Variants in PBX4 observed in about 807,000 individuals in gnomAD.
PBX4 encodes pre-B-cell leukemia transcription factor 4.
A neutral mutation model predicts 35.1 loss-of-function variants in PBX4; 26 were observed. That is an observed-to-expected ratio of 0.74 (90% CI 0.54 to 1.03). The LOEUF (loss-of-function observed/expected upper bound fraction) is 1.03. PBX4 is among the 50% of genes least tolerant of loss of function. The probability of loss-of-function intolerance (pLI) is 0.00; values close to 1 mark genes in which losing one functional copy is unlikely to be tolerated. For missense variants in PBX4, 448 were observed against 504.3 expected, an observed-to-expected ratio of 0.89 and a Z score of 1.07; for synonymous variants, 199 against 204.2, an observed-to-expected ratio of 0.97 and a Z score of 0.22.
In PBX4 at chr19:19,572,124, G is replaced by T. The variant is rs545566028; in HGVS notation, c.194-1291C>A. 2.2e-5 allele frequency among the ~76,000 whole-genome samples: 3 copies of T among 137,638 alleles called. No homozygotes were observed. The South Asian group carries it at 7.2e-4, about 33-fold the overall frequency. The allele number at this position is 137,638 out of a possible 152,430, so 90.3% of individuals were successfully genotyped here. The stretch of plus-strand genomic sequence containing the variant: ...GAATCTCATTCTGTCACCTAGGCTG[G>T]GGTGCAATGGCATGGTCTCCACTCA... On this transcript the variant is annotated intron_variant, in intron 2 of 7. Coordinates refer to ENST00000251203, the MANE Select transcript of PBX4 (RefSeq NM_025245.3).
chr19:19,580,228 C>T lies in PBX4; in HGVS notation c.194-9395G>A, dbSNP rs552874591. Among the ~76,000 whole-genome samples the T allele has an allele frequency of 2.1e-5, 3 of 145,152 alleles. No individual in the cohort carries two copies. In the East Asian group the frequency reaches 6.4e-4, roughly 31 times the overall value. ...CCGGTGACTCTGCACAGGTGAGAAT[C>T]GACATGAAGGAGAAAACATGGGGAC... On this transcript the variant is annotated intron_variant, in intron 2 of 7. Coordinates refer to ENST00000251203, the MANE Select transcript of PBX4 (RefSeq NM_025245.3).
intron 2 of PBX4, among the ~76,000 whole-genome samples, chr19:19,595,641 C>T (rs1267001441): frequency 2.0e-5 from 3 of 151,912 alleles, no homozygotes; most frequent in African/African-American, 7.3e-5. Flanking sequence ...AAGCCAGGGG[C>T]ATCACAGCCC....
chr19:19,563,457 T>C lies in PBX4; in HGVS notation c.1032+52A>G. 1 of 1,410,754 alleles carries C rather than the reference T, an allele frequency of 7.1e-7. No homozygotes were observed. The highest frequency in any genetic ancestry group is 9.6e-7 in the Non-Finnish European group (1 of 1,041,628). 87.4% of individuals were successfully genotyped at this position (1,410,754 alleles called of 1,614,324 possible). A position where few individuals can be genotyped will look rare whatever the true frequency, so the allele number is the denominator to read the frequency against. On this transcript the variant is annotated intron_variant, in intron 7 of 7. Transcript: ENST00000251203. The surrounding 1 kb of genome is among the most constrained non-coding windows in gnomAD (Gnocchi z 5.1). The stretch of plus-strand genomic sequence containing the variant: ...AGGGGTGGCTGACAAGACGACCCTT[T>C]CTGAGAACCTACCACCCACCTGGGC...
At position 19,562,278 on chromosome 19, in the gene PBX4, G is replaced by A. The variant is rs76337800; in HGVS notation, c.1033-161C>T. On this transcript the variant is annotated intron_variant, in intron 7 of 7. Transcript: ENST00000251203. The surrounding 1 kb of genome is among the most constrained non-coding windows in gnomAD (Gnocchi z 4.8). Reference sequence around the variant, plus strand: ...GGAGGAGGGAAGGGATGGAGGGGTCGGTCCTGGGTCACAGCTGGCCTTGCC... The same window carrying A: ...GGAGGAGGGAAGGGATGGAGGGGTCAGTCCTGGGTCACAGCTGGCCTTGCC... 0.063 allele frequency among the ~76,000 whole-genome samples: 9,558 copies of A among 152,258 alleles called. 684 individuals carry two copies. Among genetic ancestry groups the A allele is most frequent in the African/African-American group, 0.17 (6,873 of 41,532 alleles).
intron 2 of PBX4, among the ~76,000 whole-genome samples, chr19:19,587,220 C>T (rs2061495263): frequency 6.6e-6 from 1 of 151,650 alleles, no homozygotes; most frequent in Non-Finnish European, 1.5e-5. Context: ...AGAAAATAAA[C>T]ACGAACTTTA....
chr19:19,583,260 C>T (rs1004936817), intron 2 of PBX4, among the ~76,000 whole-genome samples: 1 of 152,040 alleles, frequency 6.6e-6, no homozygotes, highest in African/African-American at 2.4e-5. Context: ...GCCTGGGCAA[C>T]AAAGCGAGAC....
In PBX4 at chr19:19,564,839, A is replaced by G. The variant is rs1172702510; in HGVS notation, c.925+94T>C. The G allele has an allele frequency of 4.8e-6, 7 of 1,457,140 alleles. No individual in the cohort carries two copies. The East Asian group carries it at 1.6e-4, about 33-fold the overall frequency. The allele number at this position is 1,457,140 out of a possible 1,614,324, so 90.3% of individuals were successfully genotyped here. ...GTTACACAGAGTTGACCACTGGGGG[A>G]AGGGAGATGTGGTCCCACTGTGGCC... On this transcript the variant is annotated intron_variant, in intron 6 of 7. Coordinates refer to ENST00000251203, the MANE Select transcript of PBX4 (RefSeq NM_025245.3).
At chr19:19,616,966 G>A (rs2061692076) in intron 1 of PBX4, among the ~76,000 whole-genome samples, 1 of 152,094 alleles carries the variant, frequency 6.6e-6, no homozygotes, top group African/African-American at 2.4e-5. Flanking sequence ...ACAGGCGTGA[G>A]CCACCGCACC....
chr19:19,604,156 C>A (rs1306188912), intron 1 of PBX4, among the ~76,000 whole-genome samples: 1 of 151,988 alleles, frequency 6.6e-6, no homozygotes, highest in Non-Finnish European at 1.5e-5. Context: ...AATAACTTCA[C>A]AACAGAAATC....
intron 2 of PBX4, among the ~76,000 whole-genome samples, chr19:19,571,804 G>A (rs189263311): frequency 1.3e-4 from 20 of 152,122 alleles, no homozygotes; most frequent in African/African-American, 4.6e-4. Flanking sequence ...AGGCTGAGGC[G>A]GGCGGATCAC....
chr19:19,568,460 C>A (rs1600396027), intron 5 of PBX4, among the ~76,000 whole-genome samples: 1 of 144,972 alleles, frequency 6.9e-6, no homozygotes, highest in Admixed American at 7.2e-5. Context: ...GCTCACACTC[C>A]ACCTCAGTCA....
At chr19:19,590,660 G>A (rs1358945936) in intron 2 of PBX4, among the ~76,000 whole-genome samples, 2 of 151,980 alleles carry the variant, frequency 1.3e-5, no homozygotes, top group African/African-American at 4.8e-5. Flanking sequence ...GTAGAGACGG[G>A]GTTTCACCAT....
chr19:19,575,076 C>CA (rs1051218504), intron 2 of PBX4, among the ~76,000 whole-genome samples: 169 of 151,182 alleles, frequency 1.1e-3, no homozygotes, highest in Non-Finnish European at 1.9e-3. Context: ...AATAAAAATA[C>CA]AAAAAAAATA....
chr19:19,563,835 T>C lies in PBX4; in HGVS notation c.926-220A>G. 4.5e-6 allele frequency: 2 copies of C among 441,276 alleles called. No individual in the cohort carries two copies. Among genetic ancestry groups the C allele is most frequent in the Non-Finnish European group, 8.4e-6 (2 of 236,990 alleles). 27.3% of individuals were successfully genotyped at this position (441,276 alleles called of 1,614,324 possible). A position where few individuals can be genotyped will look rare whatever the true frequency, so the allele number is the denominator to read the frequency against. Reference sequence around the variant, plus strand: ...TCTTTTTTTTTTCTTTTTAAGACAGTCTCGCTCTGTCACCCAGGCTTGAGT... The same window carrying C: ...TCTTTTTTTTTTCTTTTTAAGACAGCCTCGCTCTGTCACCCAGGCTTGAGT... On this transcript the variant is annotated intron_variant, in intron 6 of 7. Coordinates refer to ENST00000251203, the MANE Select transcript of PBX4 (RefSeq NM_025245.3). This position sits in a 1 kb window ranked among gnomAD's most constrained non-coding sequence, Gnocchi z 5.1.
At chr19:19,572,572 T>C (rs1348059720) in intron 2 of PBX4, among the ~76,000 whole-genome samples, 4 of 152,138 alleles carry the variant, frequency 2.6e-5, no homozygotes, top group Non-Finnish European at 5.9e-5. Context: ...TCCTTAGAGA[T>C]TTCCACTTCA....
At chr19:19,588,092 C>A in intron 2 of PBX4, 1 of 897,952 alleles carries the variant, frequency 1.1e-6, no homozygotes, top group Admixed American at 1.9e-5. Flanking sequence ...TTACCAATCA[C>A]CTCTTCTTGA....
Position 19,564,973 on chromosome 19 carries a change from G to A in PBX4, c.885C>T (p.Val295=). 1 of 1,614,178 alleles carries A rather than the reference G, an allele frequency of 6.2e-7. No homozygotes were observed. The highest frequency in any genetic ancestry group is 8.5e-7 in the Non-Finnish European group (1 of 1,180,030). The part of the protein sequence containing the change: ...KTAVDTTEVG[V]PGNHASCLST... ...ACAGGCAGCTGGCGTGGTTCCCTGG[G>A]ACCCCAACTTCCGTGGTATCCACAG... The change falls in exon 6 of 8, where the codon GTC becomes GTT. Residue 295 remains valine (V), a synonymous_variant. Coordinates refer to ENST00000251203, the MANE Select transcript of PBX4 (RefSeq NM_025245.3).
chr19:19,564,974 A>AC lies in PBX4; in HGVS notation c.883dup (p.Val295GlyfsTer13). ...CAGGCAGCTGGCGTGGTTCCCTGGGACCCCAACTTCCGTGGTATCCACAGC... is the reference window on the plus strand; with the variant it reads ...CAGGCAGCTGGCGTGGTTCCCTGGGACCCCCAACTTCCGTGGTATCCACAGC... On this transcript the variant is annotated frameshift_variant, in exon 6 of 8. Coordinates refer to ENST00000251203, the MANE Select transcript of PBX4 (RefSeq NM_025245.3). LOFTEE classifies it high-confidence loss of function. The AC allele has an allele frequency of 1.9e-6, 3 of 1,614,058 alleles. No homozygotes were observed. The highest frequency in any genetic ancestry group is 1.1e-5 in the South Asian group (1 of 91,082).
chr19:19,618,027 C>A (rs1184224462), intron 1 of PBX4, among the ~76,000 whole-genome samples: 1 of 152,106 alleles, frequency 6.6e-6, no homozygotes, highest in Non-Finnish European at 1.5e-5. Flanking sequence ...GGCGTGGTTG[C>A]ACGTGCGCCT....
Sources: allele counts gnomAD v4.1 joint callset (sites outside exome capture counted in the v4.1 genomes callset), GRCh38; gene constraint gnomAD v4.1.1; non-coding constraint Gnocchi (gnomAD v3.1); transcripts MANE v1.5; gene names NCBI Gene and HGNC (gene_info 2026-07-23, HGNC 2026-07-21).